AGAP1: variants seen among roughly 807,000 people sequenced by gnomAD.
AGAP1 encodes ArfGAP with GTPase domain, ankyrin repeat and PH domain 1.
In AGAP1, 29 loss-of-function variants were observed where a neutral mutation model predicts 105.3. That is an observed-to-expected ratio of 0.28 (90% CI 0.21 to 0.38). AGAP1 has a LOEUF of 0.38. Ranked by LOEUF, AGAP1 falls within the 10% of genes least tolerant of loss-of-function variation. The pLI is 1.00. For missense variants in AGAP1, 998 were observed against 1,165.1 expected, an observed-to-expected ratio of 0.86 and a Z score of 2.09; for synonymous variants, 509 against 485.9, an observed-to-expected ratio of 1.05 and a Z score of -0.63.
Position 236,035,437 on chromosome 2 carries a change from C to T in AGAP1, c.1646-1124C>T, listed in dbSNP as rs1290177085. Among the ~76,000 whole-genome samples the T allele has an allele frequency of 6.6e-6, 1 of 152,176 alleles. No individual in the cohort carries two copies. The highest frequency in any genetic ancestry group is 1.9e-4 in the East Asian group (1 of 5,164). The stretch of plus-strand genomic sequence containing the variant: ...TCACTTGAGATCAGGAGTTTGAGAC[C>T]AGCCTAGGGAGACACCATCTCTACA... On this transcript the variant is annotated intron_variant, in intron 13 of 17. Coordinates refer to ENST00000304032, the MANE Select transcript of AGAP1 (RefSeq NM_001037131.3). This position sits in a 1 kb window ranked among gnomAD's most constrained non-coding sequence, Gnocchi z 4.2.
rs1246601751 is a variant in AGAP1 at position 235,599,917 on chromosome 2, T to C, written c.163+105068T>C. ...ATGAGGAAAATAATTTCTGAGAAACTGACTCAGGGAAGTGCCTGTGTTCAG... is the reference window on the plus strand; with the variant it reads ...ATGAGGAAAATAATTTCTGAGAAACCGACTCAGGGAAGTGCCTGTGTTCAG... On this transcript the variant is annotated intron_variant, in intron 1 of 17. Transcript: ENST00000304032. This position sits in a 1 kb window ranked among gnomAD's most constrained non-coding sequence, Gnocchi z 5.3. Among the ~76,000 whole-genome samples, 2 of 152,208 alleles carry C rather than the reference T, an allele frequency of 1.3e-5. No individual in the cohort carries two copies. The highest frequency in any genetic ancestry group is 2.9e-5 in the Non-Finnish European group (2 of 68,036).
At chr2:235,939,442 G>A (rs961014676) in intron 12 of AGAP1, among the ~76,000 whole-genome samples, 6 of 151,554 alleles carry the variant, frequency 4.0e-5, no homozygotes, top group Admixed American at 2.0e-4. Flanking sequence ...CTGTCCCAGC[G>A]GTTTCTCCCA....
chr2:235,685,940 C>T (rs1053133207), intron 1 of AGAP1, among the ~76,000 whole-genome samples: 3 of 152,148 alleles, frequency 2.0e-5, no homozygotes, highest in Non-Finnish European at 2.9e-5. Flanking sequence ...GGCAGGACCA[C>T]TCAAAGTGGG....
chr2:235,627,907 A>C (rs546143768), intron 1 of AGAP1, among the ~76,000 whole-genome samples: 1 of 152,250 alleles, frequency 6.6e-6, no homozygotes, highest in East Asian at 1.9e-4. Context: ...TCTCAATGGG[A>C]GGGAGGAAGA....
chr2:235,527,269 C>A (rs181517839), intron 1 of AGAP1, among the ~76,000 whole-genome samples: 26 of 152,250 alleles, frequency 1.7e-4, no homozygotes, highest in Middle Eastern at 6.8e-3. Context: ...TTTAAATTGA[C>A]CTAAATCAAG....
intron 13 of AGAP1, among the ~76,000 whole-genome samples, chr2:236,025,511 A>G (rs889890907): frequency 4.6e-5 from 7 of 152,152 alleles, no homozygotes; most frequent in African/African-American, 1.7e-4. Flanking sequence ...CTCCACACAG[A>G]AGAAGGGAAA....
intron 11 of AGAP1, among the ~76,000 whole-genome samples, chr2:235,910,269 C>G (rs750684759): frequency 3.3e-5 from 5 of 152,304 alleles, no homozygotes; most frequent in African/African-American, 7.2e-5. Context: ...GGTGCTCTTG[C>G]CTGGCCTGCC....
In AGAP1 at chr2:235,736,003, T is replaced by G. The variant is rs1411471523; in HGVS notation, c.311-4960T>G. The stretch of plus-strand genomic sequence containing the variant: ...GGGTTCCGTTCTCACCTCCCTCTGC[T>G]CTAAGCTGAGGATTCCAGGTGATGC... On this transcript the variant is annotated intron_variant, in intron 3 of 17. Coordinates refer to ENST00000304032, the MANE Select transcript of AGAP1 (RefSeq NM_001037131.3). The surrounding 1 kb of genome is among the most constrained non-coding windows in gnomAD (Gnocchi z 5.5). 6.6e-6 allele frequency among the ~76,000 whole-genome samples: 1 copy of G among 151,986 alleles called. No individual in the cohort carries two copies. Among genetic ancestry groups the G allele is most frequent in the East Asian group, 1.9e-4 (1 of 5,170 alleles).
At position 235,951,194 on chromosome 2, in the gene AGAP1, C is replaced by T. The variant is rs759386505; in HGVS notation, c.1484-17268C>T. Among the ~76,000 whole-genome samples, 1 of 152,182 alleles carries T rather than the reference C, an allele frequency of 6.6e-6. No individual in the cohort carries two copies. Among genetic ancestry groups the T allele is most frequent in the African/African-American group, 2.4e-5 (1 of 41,458 alleles). ...ACTGTGATGGAGCTGCTTTGAAAGG[C>T]TGTGCTTTAGAAGACACTTCCGACT... On this transcript the variant is annotated intron_variant, in intron 12 of 17. Coordinates refer to ENST00000304032, the MANE Select transcript of AGAP1 (RefSeq NM_001037131.3). The surrounding 1 kb of genome is among the most constrained non-coding windows in gnomAD (Gnocchi z 4.2).
chr2:235,971,773 A>G lies in AGAP1; in HGVS notation c.1645+3150A>G, dbSNP rs2054656954. 6.8e-6 allele frequency among the ~76,000 whole-genome samples: 1 copy of G among 147,762 alleles called. No individual in the cohort carries two copies. Among genetic ancestry groups the G allele is most frequent in the Non-Finnish European group, 1.5e-5 (1 of 67,194 alleles). ...TATTTATTTATTTATTTATTTATTT[A>G]TTTATTTATTTATTGTATTTTTTGA... On this transcript the variant is annotated intron_variant, in intron 13 of 17. Transcript: ENST00000304032. The surrounding 1 kb of genome is among the most constrained non-coding windows in gnomAD (Gnocchi z 4.8).
chr2:235,718,366 T>C (rs1951222970), intron 3 of AGAP1: 1 of 985,562 alleles, frequency 1.0e-6, no homozygotes, highest in East Asian at 1.1e-4. Context: ...TTACTGGCTG[T>C]TCCATTCTTT....
At chr2:235,759,164 CTTT>C (rs560528348) in intron 6 of AGAP1, among the ~76,000 whole-genome samples, 4 of 104,098 alleles carry the variant, frequency 3.8e-5, no homozygotes, top group South Asian at 3.5e-4. Flanking sequence ...TGATGTCATT[CTTT>C]TTTTTTTTTT....
rs1310051624 is a variant in AGAP1, at chr2:235,596,331, A to G, written c.163+101482A>G. Among the ~76,000 whole-genome samples the G allele has an allele frequency of 6.6e-6, 1 of 152,222 alleles. No individual in the cohort carries two copies. Among genetic ancestry groups the G allele is most frequent in the Non-Finnish European group, 1.5e-5 (1 of 68,044 alleles). ...GGGCACTACAGAGTTTTGAGGAAAT[A>G]GAGTCTCAGACTGGAGCCCCAAGGA... On this transcript the variant is annotated intron_variant, in intron 1 of 17. Coordinates refer to ENST00000304032, the MANE Select transcript of AGAP1 (RefSeq NM_001037131.3). The surrounding 1 kb of genome is among the most constrained non-coding windows in gnomAD (Gnocchi z 5.9).
intron 13 of AGAP1, among the ~76,000 whole-genome samples, chr2:235,969,271 T>A (rs917458098): frequency 1.3e-5 from 2 of 151,992 alleles, no homozygotes; most frequent in Admixed American, 6.6e-5. Context: ...TTTTTTTTAA[T>A]TCATAGATGC....
rs368829444 is a variant in AGAP1 at position 236,082,377 on chromosome 2, G to A, written c.2114+33096G>A. On this transcript the variant is annotated intron_variant, in intron 16 of 17. Transcript: ENST00000304032. The surrounding 1 kb of genome is among the most constrained non-coding windows in gnomAD (Gnocchi z 4.2). ...CCCCCAGCTCAGCTCTTCCAGCTGC[G>A]ACCAGCAGGGTCATTAATTAGGCAT... 2.0e-5 allele frequency among the ~76,000 whole-genome samples: 3 copies of A among 152,146 alleles called. No homozygotes were observed. Among genetic ancestry groups the A allele is most frequent in the Admixed American group, 1.3e-4 (2 of 15,272 alleles).
In AGAP1 at chr2:235,599,170, C is replaced by T. The variant is rs1469410086; in HGVS notation, c.163+104321C>T. Reference sequence around the variant, plus strand: ...TTGACGCCAACAAAGAAATTTCTAGCTGCTTGTAGAAGACACCCCAGGGTA... The same window carrying T: ...TTGACGCCAACAAAGAAATTTCTAGTTGCTTGTAGAAGACACCCCAGGGTA... On this transcript the variant is annotated intron_variant, in intron 1 of 17. Coordinates refer to ENST00000304032, the MANE Select transcript of AGAP1 (RefSeq NM_001037131.3). The surrounding 1 kb of genome is among the most constrained non-coding windows in gnomAD (Gnocchi z 5.3). Among the ~76,000 whole-genome samples, 1 of 152,206 alleles carries T rather than the reference C, an allele frequency of 6.6e-6. No individual in the cohort carries two copies. Among genetic ancestry groups the T allele is most frequent in the Admixed American group, 6.5e-5 (1 of 15,280 alleles).
At chr2:235,579,373 T>C (rs1944850060) in intron 1 of AGAP1, among the ~76,000 whole-genome samples, 1 of 152,226 alleles carries the variant, frequency 6.6e-6, no homozygotes, top group South Asian at 2.1e-4. Flanking sequence ...TATTTGGGCA[T>C]GATCAATACA....
intron 6 of AGAP1, among the ~76,000 whole-genome samples, chr2:235,770,592 A>T (rs1362903499): frequency 6.6e-6 from 1 of 152,224 alleles, no homozygotes. Context: ...TCACGCAATC[A>T]TAAAATCTCC....
rs1447146569 is a variant in AGAP1, at chr2:236,089,291, A to G, written c.2115-30901A>G. On this transcript the variant is annotated intron_variant, in intron 16 of 17. Coordinates refer to ENST00000304032, the MANE Select transcript of AGAP1 (RefSeq NM_001037131.3). The surrounding 1 kb of genome is among the most constrained non-coding windows in gnomAD (Gnocchi z 5.6). ...GCTTTAACACAAAGAGCAAACTGAC[A>G]CACAGTTTCCCTGGGCATTGCTACA... Among the ~76,000 whole-genome samples the G allele has an allele frequency of 6.6e-6, 1 of 152,252 alleles. No homozygotes were observed. Among genetic ancestry groups the G allele is most frequent in the South Asian group, 2.1e-4 (1 of 4,832 alleles).
Sources: allele counts gnomAD v4.1 joint callset (sites outside exome capture counted in the v4.1 genomes callset), GRCh38; gene constraint gnomAD v4.1.1; non-coding constraint Gnocchi (gnomAD v3.1); transcripts MANE v1.5; gene names NCBI Gene and HGNC (gene_info 2026-07-23, HGNC 2026-07-21).